The following B4GALT6 variants were observed in gnomAD, a reference collection of about 807,000 sequenced individuals.
B4GALT6 encodes beta-1,4-galactosyltransferase 6, also known as UDP-Gal:beta-GlcNAc beta-1,4-galactosyltransferase 6.
Under a neutral mutation model 46.3 loss-of-function variants are expected in B4GALT6, and 14 were observed. That is an observed-to-expected ratio of 0.30 (90% CI 0.20 to 0.47). The LOEUF (loss-of-function observed/expected upper bound fraction) is 0.47. Ranked by LOEUF, B4GALT6 falls within the 20% of genes least tolerant of loss-of-function variation. The pLI, the probability that B4GALT6 is intolerant of heterozygous loss-of-function variation, is 0.99. For missense variants in B4GALT6, 386 were observed against 480.1 expected (o/e 0.80, Z 1.83); for synonymous variants, 168 against 162.0 (o/e 1.04, Z -0.28).
At chr18:31,709,727 A>G in the B4GALT6 span, among the ~76,000 whole-genome samples, 4 of 151,954 alleles carry the variant, frequency 2.6e-5, no homozygotes, top group Non-Finnish European at 5.9e-5. Context: ...ACAATTTAAA[A>G]CAAGTTCCAG....
upstream of B4GALT6, chr18:31,684,651 G>A (rs1385018449): frequency 1.6e-6 from 2 of 1,230,340 alleles, no homozygotes; most frequent in South Asian, 2.0e-5. Flanking sequence ...CGGAGGCCGA[G>A]GGACAAGAGG....
At chr18:31,695,962 G>A in the B4GALT6 span, among the ~76,000 whole-genome samples, 8 of 152,196 alleles carry the variant, frequency 5.3e-5, no homozygotes, top group Admixed American at 4.6e-4. Flanking sequence ...CATGACATAT[G>A]AAAGGTAGAT....
chr18:31,664,904 T>TA lies in B4GALT6; in HGVS notation c.232+1351dup, dbSNP rs572783145. Among the ~76,000 whole-genome samples, 66 of 152,316 alleles carry TA rather than the reference T, an allele frequency of 4.3e-4. 1 individual carries two copies. In the East Asian group the frequency reaches 0.01, roughly 24 times the overall value. On this transcript the variant is annotated intron_variant, in intron 2 of 8. Coordinates refer to ENST00000306851, the MANE Select transcript of B4GALT6 (RefSeq NM_004775.5). ...ATCAACTATGCTGAGGCAGTTCTTC[T>TA]AAAAAAATTCCTTCAAGGTTAAAAA...
intron 4 of B4GALT6, among the ~76,000 whole-genome samples, chr18:31,641,386 TGA>T (rs1000023451): frequency 1.3e-5 from 2 of 152,222 alleles, no homozygotes; most frequent in Non-Finnish European, 2.9e-5. Context: ...CAAATTTTAA[TGA>T]GAGGGTTATT....
In B4GALT6 at chr18:31,656,963, G is replaced by A. The variant is rs146813148; in HGVS notation, c.346+1013C>T. 4.1e-4 allele frequency among the ~76,000 whole-genome samples: 63 copies of A among 152,210 alleles called. 1 individual carries two copies. The East Asian group carries it at 0.01, about 25-fold the overall frequency. On this transcript the variant is annotated intron_variant, in intron 3 of 8. Coordinates refer to ENST00000306851, the MANE Select transcript of B4GALT6 (RefSeq NM_004775.5). The stretch of plus-strand genomic sequence containing the variant: ...ACCAGGAATGAGGGAAGTGAAAATC[G>A]AAACAACGAGAAACCATTTATCTTT...
At chr18:31,626,634 C>G (rs1342696562) in intron 7 of B4GALT6, among the ~76,000 whole-genome samples, 1 of 152,090 alleles carries the variant, frequency 6.6e-6, no homozygotes, top group Non-Finnish European at 1.5e-5. Context: ...AACACAAACC[C>G]TATTGTAAAC....
upstream of B4GALT6, among the ~76,000 whole-genome samples, chr18:31,685,308 C>CAGAGCCGGGGAGCCGGA (rs915773186): frequency 6.6e-6 from 1 of 150,784 alleles, no homozygotes; most frequent in African/African-American, 2.4e-5. Flanking sequence ...GCGCTGCGGG[C>CAGAGCCGGGGAGCCGGA]AGAGCCGGGG....
At position 31,626,324 on chromosome 18, in the gene B4GALT6, T is replaced by C. The variant is rs115593459; in HGVS notation, c.960A>G (p.Ser320=). 1.6e-4 allele frequency: 264 copies of C among 1,608,908 alleles called. 2 individuals carry two copies. The African/African-American group carries it at 2.3e-3, about 14-fold the overall frequency. ...CTTCACCTCTATGGTGATGAGGAAT[T>C]GACTTGTATTTTCCTAAGTCTCCCT... The part of the protein sequence containing the change: ...RPEGDLGKYK[S]IPHHHRGEVQ... The change falls in exon 8 of 9, where the codon TCA becomes TCG. Residue 320 remains serine, a synonymous_variant. Transcript: ENST00000306851.
At chr18:31,673,422 C>T (rs1385993928) in intron 1 of B4GALT6, among the ~76,000 whole-genome samples, 1 of 152,070 alleles carries the variant, frequency 6.6e-6, no homozygotes, top group Non-Finnish European at 1.5e-5. Flanking sequence ...ATGCTGACAC[C>T]CAGGGCATGC....
intron 7 of B4GALT6, 59 bp downstream of exon 7, chr18:31,626,940 C>G: frequency 7.0e-7 from 1 of 1,429,202 alleles, no homozygotes. Flanking sequence ...CTACAATTTA[C>G]CTAATATAAA....
At chr18:31,659,207 A>C (rs1210232584) in intron 2 of B4GALT6, among the ~76,000 whole-genome samples, 1 of 152,234 alleles carries the variant, frequency 6.6e-6, no homozygotes, top group Non-Finnish European at 1.5e-5. Context: ...ATGTTGAGTA[A>C]TCTGCTCCAA....
At chr18:31,708,156 C>T in the B4GALT6 span, among the ~76,000 whole-genome samples, 1 of 152,222 alleles carries the variant, frequency 6.6e-6, no homozygotes, top group Non-Finnish European at 1.5e-5. Flanking sequence ...GCATGAGGCT[C>T]ATTCATATTT....
chr18:31,705,300 T>A, the B4GALT6 span, among the ~76,000 whole-genome samples: 1 of 152,248 alleles, frequency 6.6e-6, no homozygotes, highest in Non-Finnish European at 1.5e-5. Context: ...GTACCACATG[T>A]GCTTTCAAAG....
chr18:31,635,479 AT>A, intron 5 of B4GALT6, among the ~76,000 whole-genome samples: 1 of 152,334 alleles, frequency 6.6e-6, no homozygotes, highest in Admixed American at 6.5e-5. Flanking sequence ...TTAAAGAATG[AT>A]TTATACACAC....
At chr18:31,692,601 T>C in the B4GALT6 span, among the ~76,000 whole-genome samples, 4 of 152,348 alleles carry the variant, frequency 2.6e-5, no homozygotes, top group South Asian at 8.3e-4. Flanking sequence ...TGTAAAGAGC[T>C]ATCTTAAACA....
intron 1 of B4GALT6, among the ~76,000 whole-genome samples, chr18:31,668,113 A>G (rs1390686805): frequency 6.6e-6 from 1 of 151,602 alleles, no homozygotes; most frequent in African/African-American, 2.4e-5. Context: ...AAAAAAAAAG[A>G]ATGAAGAACA....
chr18:31,718,619 T>C, the B4GALT6 span, among the ~76,000 whole-genome samples: 1 of 152,090 alleles, frequency 6.6e-6, no homozygotes, highest in Non-Finnish European at 1.5e-5. Context: ...AGAATATTTA[T>C]AGAGGCAGAA....
the B4GALT6 span, among the ~76,000 whole-genome samples, chr18:31,706,960 G>C: frequency 6.6e-6 from 1 of 152,080 alleles, no homozygotes; most frequent in Non-Finnish European, 1.5e-5. Context: ...TACCTATCTT[G>C]AATGGACATT....
At chr18:31,710,613 G>A in the B4GALT6 span, among the ~76,000 whole-genome samples, 6 of 152,186 alleles carry the variant, frequency 3.9e-5, no homozygotes, top group South Asian at 2.1e-4. Flanking sequence ...GCACTCCCTC[G>A]TAGCCACCAG....
Sources: gnomAD v4.1 joint callset for allele counts (sites outside exome capture counted in the v4.1 genomes callset) on GRCh38, gnomAD v4.1.1 for gene constraint, MANE v1.5 for transcripts, NCBI Gene and HGNC (gene_info 2026-07-23, HGNC 2026-07-21) for gene names.